CDH11: variants seen among roughly 807,000 people sequenced by gnomAD.
CDH11 encodes the protein cadherin-11.
CDH11 carries 11 observed loss-of-function variants against 67.8 expected under a neutral mutation model. That is an observed-to-expected ratio of 0.16 (90% CI 0.10 to 0.27). The LOEUF (loss-of-function observed/expected upper bound fraction) is 0.27. Among genes scored for constraint, CDH11 ranks in the 10% least tolerant of loss-of-function variants. The probability of loss-of-function intolerance (pLI) is 1.00; values close to 1 mark genes in which losing one functional copy is unlikely to be tolerated. For synonymous variants in CDH11, 419 were observed against 400.0 expected, an observed-to-expected ratio of 1.05 and a Z score of -0.57; for missense variants, 847 against 1,031.2, an observed-to-expected ratio of 0.82 and a Z score of 2.45.
In CDH11 at chr16:65,010,393, C is replaced by T. The variant is rs144322534; in HGVS notation, c.-172-5352G>A. Among the ~76,000 whole-genome samples, 335 of 152,194 alleles carry T rather than the reference C, an allele frequency of 2.2e-3. 3 individuals carry two copies. Among genetic ancestry groups the T allele is most frequent in the African/African-American group, 7.4e-3 (307 of 41,516 alleles). On this transcript the variant is annotated intron_variant, in intron 2 of 12. Transcript: ENST00000268603. ...TGGTCTCTCATTTCACATCAAATCACAGGAATTATGCCATGTCTGTGGAAA... is the reference window on the plus strand; with the variant it reads ...TGGTCTCTCATTTCACATCAAATCATAGGAATTATGCCATGTCTGTGGAAA...
chr16:64,962,303 A>G (rs981459300), intron 11 of CDH11, among the ~76,000 whole-genome samples: 1 of 152,082 alleles, frequency 6.6e-6, no homozygotes, highest in Non-Finnish European at 1.5e-5. Flanking sequence ...CCATCCAAAT[A>G]AAAAAACAAA....
rs924953081 is a variant in CDH11, at chr16:65,003,359, C to T, written c.228+1283G>A. 6.6e-5 allele frequency among the ~76,000 whole-genome samples: 10 copies of T among 152,028 alleles called. No individual in the cohort carries two copies. In the South Asian group the frequency reaches 1.9e-3, roughly 28 times the overall value. On this transcript the variant is annotated intron_variant, in intron 3 of 12. Coordinates refer to ENST00000268603, the MANE Select transcript of CDH11 (RefSeq NM_001797.4). ...GCAACAACTCCTTCCCATGTTCAAG[C>T]GATTCCCCTGCCTCAGCCTCTGGAG...
intron 1 of CDH11, among the ~76,000 whole-genome samples, chr16:65,104,136 G>A (rs1435793141): frequency 1.3e-5 from 2 of 152,152 alleles, no homozygotes; most frequent in African/African-American, 4.8e-5. Flanking sequence ...TCAGAGGTAT[G>A]CAAATATGAT....
chr16:65,043,661 G>A (rs2073905120), intron 2 of CDH11, among the ~76,000 whole-genome samples: 1 of 152,192 alleles, frequency 6.6e-6, no homozygotes, highest in East Asian at 1.9e-4. Flanking sequence ...AGTGAACTGG[G>A]GAACTGGGTG....
At chr16:65,042,406 A>T (rs1444884518) in intron 2 of CDH11, among the ~76,000 whole-genome samples, 1 of 152,158 alleles carries the variant, frequency 6.6e-6, no homozygotes, top group Non-Finnish European at 1.5e-5. Context: ...AAAAGGGAGC[A>T]TTTCAGCTGA....
rs552903333 is a variant in CDH11, at chr16:64,953,725, T to C, written c.1643-2707A>G. 3.3e-5 allele frequency among the ~76,000 whole-genome samples: 5 copies of C among 152,356 alleles called. No individual in the cohort carries two copies. In the South Asian group the frequency reaches 1.0e-3, roughly 32 times the overall value. On this transcript the variant is annotated intron_variant, in intron 11 of 12. Transcript: ENST00000268603. The stretch of plus-strand genomic sequence containing the variant: ...TTTTCTCTTCTTGTATATGTTTTCA[T>C]AGTTAAATTAGACTCTCACAAATTG...
At chr16:65,105,792 C>T (rs553529486) in intron 1 of CDH11, among the ~76,000 whole-genome samples, 9 of 152,256 alleles carry the variant, frequency 5.9e-5, no homozygotes, top group East Asian at 1.9e-4. Context: ...AAATGTTAAT[C>T]GAATTGTTTC....
chr16:64,998,086 T>A (rs551741895), intron 4 of CDH11, among the ~76,000 whole-genome samples: 91 of 152,358 alleles, frequency 6.0e-4, no homozygotes, highest in African/African-American at 1.8e-3. Context: ...ATATACGTAC[T>A]TCTGAACATA....
chr16:65,061,291 G>A (rs182027943), intron 1 of CDH11, among the ~76,000 whole-genome samples: 49 of 152,144 alleles, frequency 3.2e-4, no homozygotes, highest in African/African-American at 1.1e-3. Context: ...ATAAATGAAC[G>A]GTAGTAATTA....
intron 7 of CDH11, chr16:64,985,359 T>C (rs2072459012): frequency 6.6e-6 from 1 of 152,202 alleles, no homozygotes; most frequent in South Asian, 2.1e-4. Context: ...TCTTCAATTC[T>C]TTGTAACATC....
intron 2 of CDH11, among the ~76,000 whole-genome samples, chr16:65,046,319 G>A (rs377074201): frequency 2.6e-4 from 40 of 152,318 alleles, no homozygotes; most frequent in African/African-American, 9.1e-4. Flanking sequence ...AGTGTGGAGA[G>A]CATGCTCACC....
At chr16:64,972,199 G>A (rs1025397697) in intron 9 of CDH11, 135 bp from the exon 10 acceptor site, 31 of 715,904 alleles carry the variant, frequency 4.3e-5, no homozygotes, top group Non-Finnish European at 6.6e-5. Context: ...TCACAGAATC[G>A]ATTTAAGAGC....
intron 1 of CDH11, among the ~76,000 whole-genome samples, chr16:65,088,970 A>T (rs1218353648): frequency 6.6e-6 from 1 of 152,224 alleles, no homozygotes; most frequent in Non-Finnish European, 1.5e-5. Flanking sequence ...CAAGACATCA[A>T]CATATGTGTT....
At chr16:65,099,408 C>A (rs1197755097) in intron 1 of CDH11, among the ~76,000 whole-genome samples, 1 of 152,152 alleles carries the variant, frequency 6.6e-6, no homozygotes, top group Non-Finnish European at 1.5e-5. Context: ...AGGACCCCAG[C>A]TGTGTCCTTC....
intron 11 of CDH11, among the ~76,000 whole-genome samples, chr16:64,962,773 C>A (rs1207928712): frequency 6.6e-6 from 1 of 152,122 alleles, no homozygotes; most frequent in Non-Finnish European, 1.5e-5. Flanking sequence ...GAAGCCTAAT[C>A]TTCTGGGATT....
intron 1 of CDH11, among the ~76,000 whole-genome samples, chr16:65,066,939 A>C (rs2074321942): frequency 6.6e-6 from 1 of 152,212 alleles, no homozygotes; most frequent in Admixed American, 6.5e-5. Context: ...GCCAAATGAA[A>C]AGTCAGCAGT....
intron 2 of CDH11, among the ~76,000 whole-genome samples, chr16:65,021,036 T>C (rs970607262): frequency 5.3e-5 from 8 of 152,034 alleles, no homozygotes; most frequent in East Asian, 1.9e-4. Flanking sequence ...CCATCCCCCA[T>C]TGAAGTCTTA....
At chr16:64,998,935 T>C in intron 3 of CDH11, 79 bp from the exon 4 acceptor site, 1 of 1,137,784 alleles carries the variant, frequency 8.8e-7, no homozygotes, top group East Asian at 2.4e-5. Flanking sequence ...ATTGCAACAA[T>C]CTGCTGCGCA....
At chr16:64,957,032 C>A (rs2071533012) in intron 11 of CDH11, among the ~76,000 whole-genome samples, 1 of 152,002 alleles carries the variant, frequency 6.6e-6, no homozygotes, top group Non-Finnish European at 1.5e-5. Context: ...ATATATGGAC[C>A]AGCTCCTGCA....
Sources: gnomAD v4.1 joint callset for allele counts (sites outside exome capture counted in the v4.1 genomes callset) on GRCh38, gnomAD v4.1.1 for gene constraint, MANE v1.5 for transcripts, NCBI Gene and HGNC (gene_info 2026-07-23, HGNC 2026-07-21) for gene names.